OSBPL9: variants seen among roughly 807,000 people sequenced by gnomAD.
The protein encoded by OSBPL9 is oxysterol binding protein like 9.
In OSBPL9, 40 loss-of-function variants were observed where a neutral mutation model predicts 106.6. The observed-to-expected ratio is 0.38, with a 90% CI of 0.29 to 0.49. The LOEUF (loss-of-function observed/expected upper bound fraction) is 0.49, where lower values mean the gene tolerates loss of function less well. OSBPL9 is among the 20% of genes least tolerant of loss of function. The pLI is 0.97. For missense variants in OSBPL9, 609 were observed against 887.2 expected (o/e 0.69, Z 3.98); for synonymous variants, 269 against 295.4 (o/e 0.91, Z 0.92).
intron 4 of OSBPL9, among the ~76,000 whole-genome samples, chr1:51,735,670 G>A (rs1665511808): frequency 6.6e-6 from 1 of 152,196 alleles, no homozygotes; most frequent in Admixed American, 6.5e-5. Context: ...AAAGGATCCG[G>A]CACAGGGCCA....
At chr1:51,543,419 G>A in the OSBPL9 span, among the ~76,000 whole-genome samples, 2 of 151,700 alleles carry the variant, frequency 1.3e-5, no homozygotes, top group Admixed American at 6.6e-5. Flanking sequence ...TTTTTGAGAC[G>A]GAGTCTCACT....
chr1:51,766,192 T>C (rs1672520750), intron 12 of OSBPL9, among the ~76,000 whole-genome samples: 1 of 152,206 alleles, frequency 6.6e-6, no homozygotes, highest in South Asian at 2.1e-4. Flanking sequence ...GCAAAGCCAG[T>C]TCTGTGAGAG....
chr1:51,597,694 G>T (rs1267813625), intron 1 of OSBPL9, among the ~76,000 whole-genome samples: 2 of 152,176 alleles, frequency 1.3e-5, no homozygotes, highest in African/African-American at 4.8e-5. Flanking sequence ...CGAGCCCTGA[G>T]AGTTGGGCAG....
intron 16 of OSBPL9, 195 bp downstream of exon 16, chr1:51,781,530 G>A (rs1676389930): frequency 1.9e-6 from 1 of 538,074 alleles, no homozygotes; most frequent in Admixed American, 3.1e-5. Flanking sequence ...GGATGGGGAT[G>A]TAGAAATCAG....
chr1:51,686,751 A>G (rs1429438343), intron 3 of OSBPL9, among the ~76,000 whole-genome samples: 1 of 152,238 alleles, frequency 6.6e-6, no homozygotes, highest in East Asian at 1.9e-4. Context: ...TGCTCCCCGT[A>G]TGGATTTAAG....
intron 1 of OSBPL9, among the ~76,000 whole-genome samples, chr1:51,650,385 G>A (rs776631315): frequency 1.3e-5 from 2 of 152,018 alleles, no homozygotes; most frequent in Non-Finnish European, 2.9e-5. Flanking sequence ...TATTATTTTT[G>A]TGTATTTCCT....
intron 16 of OSBPL9, 69 bp from the exon 17 acceptor site, chr1:51,782,490 T>C (rs1413502393): frequency 1.4e-6 from 2 of 1,395,208 alleles, no homozygotes; most frequent in Non-Finnish European, 2.0e-6. Flanking sequence ...GAGACCCCAA[T>C]TACCAGATTC....
chr1:51,527,645 C>T, the OSBPL9 span, among the ~76,000 whole-genome samples: 4 of 152,018 alleles, frequency 2.6e-5, no homozygotes, highest in African/African-American at 9.7e-5. Flanking sequence ...CCTCCTGTCT[C>T]AGCCTCCCAA....
At chr1:51,617,950 TTGG>T (rs770945749) in intron 1 of OSBPL9, among the ~76,000 whole-genome samples, 14 of 151,976 alleles carry the variant, frequency 9.2e-5, no homozygotes, top group Non-Finnish European at 2.1e-4. Context: ...TTAACATGAG[TTGG>T]TGGCCGTGGA....
At position 51,605,230 on chromosome 1, in the gene OSBPL9, T is replaced by G. The variant is rs1479811944; in HGVS notation, c.-353+7037T>G. ...TGTGCAAGCCAATAAAGGCAGGAAA[T>G]TATTACAAGTGCTACAAGAGCCATT... On this transcript the variant is annotated intron_variant, in intron 2 of 25. Coordinates refer to the OSBPL9 transcript ENST00000371714. Among the ~76,000 whole-genome samples the G allele has an allele frequency of 2.0e-5, 3 of 152,186 alleles. No individual in the cohort carries two copies. In the East Asian group the frequency reaches 5.8e-4, roughly 29 times the overall value.
At chr1:51,707,632 A>T in intron 3 of OSBPL9, 1 of 193,770 alleles carries the variant, frequency 5.2e-6, no homozygotes, top group South Asian at 1.1e-4. Context: ...GAGTCCCTCC[A>T]CAATGCCAGA....
the OSBPL9 span, among the ~76,000 whole-genome samples, chr1:51,562,698 C>T: frequency 6.6e-6 from 1 of 152,186 alleles, no homozygotes; most frequent in African/African-American, 2.4e-5. Context: ...CATGTCTGCA[C>T]CAGCTCATTC....
At chr1:51,603,767 G>A (rs1643909351) in intron 2 of OSBPL9, among the ~76,000 whole-genome samples, 1 of 152,208 alleles carries the variant, frequency 6.6e-6, no homozygotes, top group African/African-American at 2.4e-5. Flanking sequence ...GAAAAAGTAT[G>A]TGTCTTGGTT....
At chr1:51,782,700 G>A (rs1676678412) in intron 17 of OSBPL9, 57 bp downstream of exon 17, 3 of 1,514,780 alleles carry the variant, frequency 2.0e-6, no homozygotes, top group African/African-American at 1.4e-5. Context: ...GTCTAAAGAG[G>A]GTCATTAAAA....
At chr1:51,718,656 A>G (rs1557735119) in intron 4 of OSBPL9, among the ~76,000 whole-genome samples, 2 of 152,150 alleles carry the variant, frequency 1.3e-5, no homozygotes, top group Non-Finnish European at 2.9e-5. Flanking sequence ...ATCTATCACA[A>G]TTTTTGTCTG....
At chr1:51,528,760 C>G in the OSBPL9 span, among the ~76,000 whole-genome samples, 2 of 151,876 alleles carry the variant, frequency 1.3e-5, no homozygotes, top group Admixed American at 1.3e-4. Flanking sequence ...ATAGTCCCAG[C>G]TCCTCAGGGG....
chr1:51,636,589 C>T (rs1028808247), intron 1 of OSBPL9, among the ~76,000 whole-genome samples: 4 of 151,934 alleles, frequency 2.6e-5, no homozygotes, highest in East Asian at 3.9e-4. Context: ...CCTCCTGGCT[C>T]GGCCTCCCAA....
At chr1:51,691,229 A>AT (rs35832725) in intron 3 of OSBPL9, among the ~76,000 whole-genome samples, 1 of 146,506 alleles carries the variant, frequency 6.8e-6, no homozygotes, top group African/African-American at 2.5e-5. Context: ...TTATTTAAAA[A>AT]TTTTTTCTTT....
At chr1:51,677,414 A>G (rs1340256910) in intron 3 of OSBPL9, among the ~76,000 whole-genome samples, 5 of 152,232 alleles carry the variant, frequency 3.3e-5, no homozygotes, top group African/African-American at 1.2e-4. Context: ...CCTAACCTAT[A>G]TATTAGGCAT....
Sources: gnomAD v4.1 joint callset for allele counts (sites outside exome capture counted in the v4.1 genomes callset) on GRCh38, gnomAD v4.1.1 for gene constraint, MANE v1.5 for transcripts, NCBI Gene and HGNC (gene_info 2026-07-23, HGNC 2026-07-21) for gene names.